PTPRZ1: variants seen among roughly 807,000 people sequenced by gnomAD.
PTPRZ1 encodes the protein protein tyrosine phosphatase receptor type Z1, also known as receptor-type tyrosine-protein phosphatase zeta.
Under a neutral mutation model 214.1 loss-of-function variants are expected in PTPRZ1, and 82 were observed. The observed-to-expected ratio is 0.38, with a 90% CI of 0.32 to 0.46. PTPRZ1 has a LOEUF of 0.46. PTPRZ1 is among the 20% of genes least tolerant of loss of function. The probability of loss-of-function intolerance (pLI) is 1.00; values close to 1 mark genes in which losing one functional copy is unlikely to be tolerated. For missense variants in PTPRZ1, 2,603 were observed against 2,748.7 expected, an observed-to-expected ratio of 0.95 and a Z score of 1.19; for synonymous variants, 945 against 987.9, an observed-to-expected ratio of 0.96 and a Z score of 0.81.
At chr7:121,893,200 A>C (rs1264582616) in intron 1 of PTPRZ1, among the ~76,000 whole-genome samples, 2 of 152,168 alleles carry the variant, frequency 1.3e-5, no homozygotes, top group African/African-American at 4.8e-5. Flanking sequence ...GTCGTTAAAC[A>C]TCATTTTTAG....
intron 1 of PTPRZ1, among the ~76,000 whole-genome samples, chr7:121,916,147 G>A (rs781605326): frequency 2.6e-5 from 4 of 151,824 alleles, no homozygotes; most frequent in Admixed American, 6.6e-5. Context: ...CATGGTGTGC[G>A]CCTATAATCC....
intron 1 of PTPRZ1, among the ~76,000 whole-genome samples, chr7:121,889,173 C>G (rs1001490823): frequency 1.3e-5 from 2 of 152,014 alleles, no homozygotes; most frequent in Admixed American, 1.3e-4. Flanking sequence ...GTATGAGAAG[C>G]CTTGCACAAA....
At chr7:121,965,453 A>C (rs1174245392) in intron 2 of PTPRZ1, among the ~76,000 whole-genome samples, 3 of 152,124 alleles carry the variant, frequency 2.0e-5, no homozygotes, top group Non-Finnish European at 4.4e-5. Context: ...TCCCAGAGGC[A>C]GGTCTCAGTT....
intron 2 of PTPRZ1, among the ~76,000 whole-genome samples, chr7:121,938,116 G>T (rs1796140451): frequency 6.6e-6 from 1 of 151,868 alleles, no homozygotes; most frequent in Non-Finnish European, 1.5e-5. Flanking sequence ...AATGTCTTCT[G>T]TTGGGGAAAT....
chr7:122,040,841 G>T lies in PTPRZ1; in HGVS notation c.5663G>T (p.Gly1888Val). The change falls in exon 21 of 30, where the codon GGA becomes GTA. Residue 1888 changes from glycine (G) to valine (V), a missense_variant. Around this residue, in one of 6 missense-constraint regions of PTPRZ1, gnomAD observed 1,913 missense variants for 1,914.3 expected, o/e 1.00. Transcript: ENST00000393386. ...GGCTCCCAGAAAGGAAGACCCAGTG[G>T]ACGTGTGGTCACACAGTATCACTAC... ...KKGSQKGRPS[G>V]RVVTQYHYTQ... is the part of the protein sequence containing the mutation. 1 of 1,576,916 alleles carries T rather than the reference G, an allele frequency of 6.3e-7. No homozygotes were observed. The highest frequency in any genetic ancestry group is 1.1e-5 in the South Asian group (1 of 87,870).
intron 14 of PTPRZ1, among the ~76,000 whole-genome samples, chr7:122,028,887 G>A (rs1339031861): frequency 6.6e-6 from 1 of 151,880 alleles, no homozygotes; most frequent in Non-Finnish European, 1.5e-5. Flanking sequence ...AATTGTTCAG[G>A]TGTATTATGT....
At chr7:121,879,441 C>T (rs1421976523) in intron 1 of PTPRZ1, among the ~76,000 whole-genome samples, 1 of 152,148 alleles carries the variant, frequency 6.6e-6, no homozygotes, top group Non-Finnish European at 1.5e-5. Flanking sequence ...CAAAAGCTAT[C>T]ATATTGGTTT....
chr7:121,957,697 A>T (rs1251430545), intron 2 of PTPRZ1, among the ~76,000 whole-genome samples: 1 of 152,170 alleles, frequency 6.6e-6, no homozygotes, highest in Non-Finnish European at 1.5e-5. Context: ...TGTGGAGATT[A>T]TTCTTTCTTT....
chr7:121,956,134 A>G (rs1456982126), intron 2 of PTPRZ1, among the ~76,000 whole-genome samples: 2 of 152,010 alleles, frequency 1.3e-5, no homozygotes, highest in East Asian at 3.9e-4. Flanking sequence ...ACTGATTTCC[A>G]CTTAGGACTG....
intron 1 of PTPRZ1, among the ~76,000 whole-genome samples, chr7:121,898,574 G>A (rs1794872151): frequency 6.6e-6 from 1 of 151,904 alleles, no homozygotes; most frequent in Non-Finnish European, 1.5e-5. Flanking sequence ...CCAGAATAAT[G>A]CCAACTTCAT....
intron 2 of PTPRZ1, among the ~76,000 whole-genome samples, chr7:121,950,149 G>A (rs1584673153): frequency 1.3e-5 from 2 of 152,168 alleles, no homozygotes; most frequent in South Asian, 4.2e-4. Flanking sequence ...GGCAAAAAAT[G>A]AGAGAGCTTG....
At chr7:122,058,772 A>G (rs781546338) in intron 27 of PTPRZ1, 28 bp from the exon 28 acceptor site, 1 of 1,573,446 alleles carries the variant, frequency 6.4e-7, no homozygotes, top group South Asian at 1.1e-5. Flanking sequence ...GTCACTAACT[A>G]ACATTACTTT....
At chr7:121,984,551 G>A (rs1011730157) in intron 8 of PTPRZ1, among the ~76,000 whole-genome samples, 14 of 152,226 alleles carry the variant, frequency 9.2e-5, no homozygotes, top group African/African-American at 2.2e-4. Flanking sequence ...TGGGAGAACC[G>A]CCTTTGAACT....
intron 9 of PTPRZ1, 47 bp from the exon 10 acceptor site, chr7:121,997,833 G>A (rs1033246124): frequency 5.1e-5 from 79 of 1,542,142 alleles, no homozygotes; most frequent in Non-Finnish European, 7.0e-5. Flanking sequence ...TGTGTTGGTA[G>A]TCCTATGAGA....
In PTPRZ1 at chr7:121,997,938, T is replaced by TA; in HGVS notation, c.1173dup (p.Cys392MetfsTer3). 6.2e-7 allele frequency: 1 copy of TA among 1,612,300 alleles called. No individual in the cohort carries two copies. Among genetic ancestry groups the TA allele is most frequent in the Non-Finnish European group, 8.5e-7 (1 of 1,178,586 alleles). ...AGTTATGTTCTTCAGATAGTAGCCATATGCACTAATGGCTTATATGGAAAA... is the reference window on the plus strand; with the variant it reads ...AGTTATGTTCTTCAGATAGTAGCCATAATGCACTAATGGCTTATATGGAAAA... On this transcript the variant is annotated frameshift_variant, in exon 10 of 30. Transcript: ENST00000393386. LOFTEE classifies it high-confidence loss of function.
At chr7:121,901,735 C>T (rs532180654) in intron 1 of PTPRZ1, among the ~76,000 whole-genome samples, 4 of 152,052 alleles carry the variant, frequency 2.6e-5, no homozygotes, top group Non-Finnish European at 5.9e-5. Context: ...TGACACATAA[C>T]AATTGTACAT....
At chr7:121,968,831 A>G (rs974594825) in intron 3 of PTPRZ1, among the ~76,000 whole-genome samples, 3 of 152,158 alleles carry the variant, frequency 2.0e-5, no homozygotes, top group African/African-American at 7.2e-5. Flanking sequence ...AAAAATATTC[A>G]AAATTATAAT....
chr7:121,956,121 C>T (rs1018512754), intron 2 of PTPRZ1, among the ~76,000 whole-genome samples: 2 of 152,078 alleles, frequency 1.3e-5, no homozygotes, highest in African/African-American at 2.4e-5. Flanking sequence ...TCACACTCGT[C>T]CTACTGATTT....
rs1251146484 is a variant in PTPRZ1 at position 121,970,158 on chromosome 7, T to C, written c.304+2028T>C. 2.0e-5 allele frequency among the ~76,000 whole-genome samples: 3 copies of C among 152,128 alleles called. No individual in the cohort carries two copies. The East Asian group carries it at 5.8e-4, about 29-fold the overall frequency. ...ATCATTTTTTATGGCTGCATAGTAT[T>C]CCATGGTGTATGTGTGCCACATTTT... On this transcript the variant is annotated intron_variant, in intron 3 of 29. Transcript: ENST00000393386.
Sources: gnomAD v4.1 joint callset for allele counts (sites outside exome capture counted in the v4.1 genomes callset) on GRCh38, gnomAD v4.1.1 for gene constraint, gnomAD v4.1.1 regional missense constraint, MANE v1.5 for transcripts, NCBI Gene and HGNC (gene_info 2026-07-23, HGNC 2026-07-21) for gene names.